The following ARL6IP6 variants were observed in gnomAD, a reference collection of about 807,000 sequenced individuals.
ARL6IP6 encodes the protein ARF like GTPase 6 interacting protein 6, also known as ADP-ribosylation factor-like protein 6-interacting protein 6.
Under a neutral mutation model 21.5 loss-of-function variants are expected in ARL6IP6, and 22 were observed. The ratio of observed to expected loss-of-function variants is 1.02; its 90% confidence interval spans 0.73 to 1.46. The LOEUF (loss-of-function observed/expected upper bound fraction) is 1.46. ARL6IP6 is among the 40% of genes most tolerant of loss of function. The pLI, the probability that ARL6IP6 is intolerant of heterozygous loss-of-function variation, is 0.00. For synonymous variants in ARL6IP6, 164 were observed against 125.3 expected, an observed-to-expected ratio of 1.31 and a Z score of -2.06; for missense variants, 388 against 299.8, an observed-to-expected ratio of 1.29 and a Z score of -2.17.
At chr2:152,727,097 G>A (rs777759002) in intron 2 of ARL6IP6, among the ~76,000 whole-genome samples, 8 of 152,128 alleles carry the variant, frequency 5.3e-5, no homozygotes, top group Non-Finnish European at 1.2e-4. Flanking sequence ...AGGCATTGTT[G>A]TCATAGGAGA....
intron 2 of ARL6IP6, among the ~76,000 whole-genome samples, chr2:152,728,818 T>G (rs1481697221): frequency 1.3e-5 from 2 of 152,100 alleles, no homozygotes; most frequent in African/African-American, 2.4e-5. Context: ...CCCAGAACTT[T>G]GAGAGCCCCA....
intron 3 of ARL6IP6, among the ~76,000 whole-genome samples, chr2:152,749,149 C>G (rs1701194986): frequency 6.6e-6 from 1 of 152,008 alleles, no homozygotes; most frequent in Admixed American, 6.6e-5. Context: ...AATATATTCA[C>G]TTTGCAAGTT....
At chr2:152,743,218 C>T (rs1700898826) in intron 3 of ARL6IP6, among the ~76,000 whole-genome samples, 1 of 152,110 alleles carries the variant, frequency 6.6e-6, no homozygotes, top group African/African-American at 2.4e-5. Flanking sequence ...AAGTATGTAG[C>T]TGCAGGTTAA....
chr2:152,720,611 T>G, intron 2 of ARL6IP6, 25 bp downstream of exon 2: 7 of 1,604,414 alleles, frequency 4.4e-6, no homozygotes, highest in Non-Finnish European at 6.0e-6. Context: ...GCCGCTTGCT[T>G]TGGTTTTGAG....
At chr2:152,741,946 G>A (rs1412704066) in intron 3 of ARL6IP6, among the ~76,000 whole-genome samples, 1 of 152,198 alleles carries the variant, frequency 6.6e-6, no homozygotes, top group Non-Finnish European at 1.5e-5. Context: ...TTTGTTAACA[G>A]TGTTAAAGAA....
chr2:152,741,386 T>G lies in ARL6IP6; in HGVS notation c.587+6260T>G, dbSNP rs1279775700. Among the ~76,000 whole-genome samples, 7 of 151,224 alleles carry G rather than the reference T, an allele frequency of 4.6e-5. No homozygotes were observed. In the East Asian group the frequency reaches 1.4e-3, roughly 29 times the overall value. On this transcript the variant is annotated intron_variant, in intron 3 of 3. Coordinates refer to ENST00000326446, the MANE Select transcript of ARL6IP6 (RefSeq NM_152522.7). The stretch of plus-strand genomic sequence containing the variant: ...GTAGTCTTTTGCTATCTCTGCAGAC[T>G]TAAGTACCTGGGTTTTTTTTTTTTT...
rs12151640 is a variant in ARL6IP6, at chr2:152,755,111, G to A, written c.588-4636G>A. ...GGCCATACAGAGATAGGAGCTGAGGGGACATAGTGAGAAGTAACCAGAAGA... is the reference window on the plus strand; with the variant it reads ...GGCCATACAGAGATAGGAGCTGAGGAGACATAGTGAGAAGTAACCAGAAGA... On this transcript the variant is annotated intron_variant, in intron 3 of 3. Transcript: ENST00000326446. Among the ~76,000 whole-genome samples, 561 of 152,304 alleles carry A rather than the reference G, an allele frequency of 3.7e-3. 1 individual carries two copies. Among genetic ancestry groups the A allele is most frequent in the Middle Eastern group, 0.014 (4 of 294 alleles).
rs34629315 is a variant in ARL6IP6 at position 152,761,249 on chromosome 2, A to ATGTGTGTG, written c.*1421_*1428dup. 6 of 150,790 alleles carry ATGTGTGTG rather than the reference A, an allele frequency of 4.0e-5. No homozygotes were observed. Among genetic ancestry groups the ATGTGTGTG allele is most frequent in the South Asian group, 2.1e-4 (1 of 4,756 alleles). The allele number at this position is 150,790 out of a possible 1,614,324, so 9.3% of individuals were successfully genotyped here. On this transcript the variant is annotated 3_prime_UTR_variant, in exon 4 of 4. Coordinates refer to ENST00000326446, the MANE Select transcript of ARL6IP6 (RefSeq NM_152522.7). Reference sequence around the variant, plus strand: ...ACTGCTCCAATTTAAATTATCTGAAATGTGTGTGTGTGTGTGTGTATCTAA... The same window carrying ATGTGTGTG: ...ACTGCTCCAATTTAAATTATCTGAAATGTGTGTGTGTGTGTGTGTGTGTGTGTATCTAA...
At chr2:152,752,194 C>G (rs1360362020) in intron 3 of ARL6IP6, among the ~76,000 whole-genome samples, 2 of 152,036 alleles carry the variant, frequency 1.3e-5, no homozygotes, top group Non-Finnish European at 2.9e-5. Flanking sequence ...CTTTTCAAAC[C>G]CCTCTACCCT....
intron 3 of ARL6IP6, among the ~76,000 whole-genome samples, chr2:152,748,771 A>G (rs2105169826): frequency 6.6e-6 from 1 of 152,376 alleles, no homozygotes; most frequent in East Asian, 1.9e-4. Flanking sequence ...GACATGTGGG[A>G]ATACCTGTGT....
At chr2:152,757,284 CTATCTT>C (rs1701636219) in intron 3 of ARL6IP6, among the ~76,000 whole-genome samples, 1 of 152,034 alleles carries the variant, frequency 6.6e-6, no homozygotes, top group African/African-American at 2.4e-5. Context: ...GAAATGTTCT[CTATCTT>C]TATGTGGTTG....
chr2:152,721,442 A>C (rs976332494), intron 2 of ARL6IP6, among the ~76,000 whole-genome samples: 2 of 152,082 alleles, frequency 1.3e-5, no homozygotes, highest in African/African-American at 4.8e-5. Context: ...AGAATGCTGT[A>C]GTTCACAGGT....
rs529202497 is a variant in ARL6IP6, at chr2:152,750,136, T to G, written c.588-9611T>G. Among the ~76,000 whole-genome samples, 5 of 152,218 alleles carry G rather than the reference T, an allele frequency of 3.3e-5. No individual in the cohort carries two copies. In the East Asian group the frequency reaches 7.7e-4, roughly 24 times the overall value. ...AGGTAAAAAACTGTACATAATCTTTTTGAGGTGTTTTTTAGGATTATTTCT... is the reference window on the plus strand; with the variant it reads ...AGGTAAAAAACTGTACATAATCTTTGTGAGGTGTTTTTTAGGATTATTTCT... On this transcript the variant is annotated intron_variant, in intron 3 of 3. Transcript: ENST00000326446.
At chr2:152,723,889 A>G (rs959068440) in intron 2 of ARL6IP6, among the ~76,000 whole-genome samples, 3 of 152,160 alleles carry the variant, frequency 2.0e-5, no homozygotes, top group South Asian at 2.1e-4. Flanking sequence ...CATCCTTACA[A>G]TGAAAATTGA....
At chr2:152,723,787 A>G (rs1699903441) in intron 2 of ARL6IP6, among the ~76,000 whole-genome samples, 1 of 115,938 alleles carries the variant, frequency 8.6e-6, no homozygotes, top group African/African-American at 3.1e-5. Context: ...GTGATACAGA[A>G]CATTAGAAGT....
chr2:152,723,371 T>C (rs1219523432), intron 2 of ARL6IP6, among the ~76,000 whole-genome samples: 1 of 152,246 alleles, frequency 6.6e-6, no homozygotes, highest in East Asian at 1.9e-4. Flanking sequence ...AGGAACCTCG[T>C]AGCCAAATGT....
chr2:152,755,361 GCCTGACATCCGT>G (rs2105188913), intron 3 of ARL6IP6, among the ~76,000 whole-genome samples: 1 of 152,170 alleles, frequency 6.6e-6, no homozygotes, highest in South Asian at 2.1e-4. Context: ...CTTGTGGAGG[GCCTGACATCCGT>G]CAGGCCCGCC....
chr2:152,737,850 C>T (rs1039166407), intron 3 of ARL6IP6, among the ~76,000 whole-genome samples: 39 of 152,156 alleles, frequency 2.6e-4, no homozygotes, highest in African/African-American at 8.9e-4. Context: ...CCCCTGACCT[C>T]TCCCAAATCT....
chr2:152,718,466 C>T, upstream of ARL6IP6: 2 of 1,057,904 alleles, frequency 1.9e-6, no homozygotes, highest in Non-Finnish European at 2.6e-6. Flanking sequence ...GGCCCTGCGG[C>T]TTCCTTTGCA....
Sources: allele counts gnomAD v4.1 joint callset (sites outside exome capture counted in the v4.1 genomes callset), GRCh38; gene constraint gnomAD v4.1.1; transcripts MANE v1.5; gene names NCBI Gene and HGNC (gene_info 2026-07-23, HGNC 2026-07-21).